Variants in DHRS4L2 observed in about 807,000 individuals in gnomAD.
The protein encoded by DHRS4L2 is dehydrogenase/reductase SDR family member 4-like 2.
Under a neutral mutation model 23.9 loss-of-function variants are expected in DHRS4L2, and 22 were observed. The ratio of observed to expected loss-of-function variants is 0.92; its 90% confidence interval spans 0.66 to 1.31. The LOEUF is 1.31. Ranked by LOEUF, DHRS4L2 falls within the 40% of genes most tolerant of loss-of-function variation. DHRS4L2 has a pLI of 0.00. For synonymous variants in DHRS4L2, 141 were observed against 123.7 expected, an observed-to-expected ratio of 1.14 and a Z score of -0.93; for missense variants, 385 against 303.3, an observed-to-expected ratio of 1.27 and a Z score of -2.00.
upstream of DHRS4L2, among the ~76,000 whole-genome samples, chr14:23,985,457 G>A (rs1282479354): frequency 6.6e-6 from 1 of 151,540 alleles, no homozygotes; most frequent in African/African-American, 2.4e-5. Flanking sequence ...AGTGATGCAT[G>A]ACTCAACAGT....
chr14:23,994,580 TG>T (rs2034339511), intron 2 of DHRS4L2, among the ~76,000 whole-genome samples: 1 of 151,196 alleles, frequency 6.6e-6, no homozygotes, highest in Non-Finnish European at 1.5e-5. Flanking sequence ...CTCAACTACT[TG>T]GGGGGCTGAG....
rs551813545 is a variant in DHRS4L2, at chr14:23,977,317, G to A, written c.-176+6985G>A. On this transcript the variant is annotated intron_variant, in intron 1 of 5. Transcript: ENST00000534993. ...CTAGCTTCTGTTTAAATACCCCAAG[G>A]GCTGGCAGTGCTGAGCCAGCATTCT... is the stretch of plus-strand genomic sequence containing the variant. Among the ~76,000 whole-genome samples the A allele has an allele frequency of 7.3e-5, 11 of 151,414 alleles. No individual in the cohort carries two copies. The South Asian group carries it at 2.3e-3, about 32-fold the overall frequency.
intron 2 of DHRS4L2, among the ~76,000 whole-genome samples, 161 bp from the exon 3 acceptor site, chr14:23,994,871 A>G (rs10139600): frequency 0.1 from 15,776 of 150,550 alleles, 1,058 homozygotes; most frequent in East Asian, 0.28. Flanking sequence ...CTTCTCTCAA[A>G]TTCCTCAGCT....
chr14:23,986,068 G>C (rs2034134485), upstream of DHRS4L2, among the ~76,000 whole-genome samples: 1 of 151,396 alleles, frequency 6.6e-6, no homozygotes. Flanking sequence ...ATCTCAGCCA[G>C]CTGGTCTCAA....
chr14:24,004,400 G>C lies in DHRS4L2; in HGVS notation c.*22+8G>C. ...AACCCTGCGGATAAGAAGGTAAACT[G>C]TCATGAGGGCAAGGGCACTAAGAGA... On this transcript the variant is annotated splice_region_variant and intron_variant, in intron 7 of 7. Transcript: ENST00000335125. 1 of 1,598,828 alleles carries C rather than the reference G, an allele frequency of 6.3e-7. No homozygotes were observed. Among genetic ancestry groups the C allele is most frequent in the East Asian group, 2.3e-5 (1 of 43,970 alleles).
At chr14:23,969,933 G>A (rs771568186) in exon 1 of DHRS4L2, 31 of 451,918 alleles carry the variant, frequency 6.9e-5, no homozygotes, top group South Asian at 4.4e-4. Context: ...GGCCCGGTGG[G>A]GGGAGGGGCG....
chr14:23,970,337 G>T lies in DHRS4L2; in HGVS notation c.-176+5G>T, dbSNP rs745788863. The T allele has an allele frequency of 1.0e-4, 45 of 430,684 alleles. 2 individuals carry two copies. Among genetic ancestry groups the T allele is most frequent in the African/African-American group, 9.5e-4 (45 of 47,548 alleles). The allele number at this position is 430,684 out of a possible 1,614,324, so 26.7% of individuals were successfully genotyped here. A position where few individuals can be genotyped will look rare whatever the true frequency, so the allele number is the denominator to read the frequency against. ...GCTGGAGCTGGAGCTTGACAGGTAG[G>T]GTGGAGAGGGCGGTGGGGGGCGGGG... On this transcript the variant is annotated splice_donor_5th_base_variant and intron_variant, in intron 1 of 5. Transcript: ENST00000534993.
chr14:23,984,915 C>G (rs1176807004), upstream of DHRS4L2, among the ~76,000 whole-genome samples: 1 of 150,670 alleles, frequency 6.6e-6, no homozygotes, highest in Admixed American at 6.6e-5. Context: ...AAGAAGGGGT[C>G]AGGGGGCTCA....
At chr14:23,972,714 C>T (rs182701487) in intron 1 of DHRS4L2, among the ~76,000 whole-genome samples, 29 of 151,644 alleles carry the variant, frequency 1.9e-4, no homozygotes, top group Non-Finnish European at 3.2e-4. Context: ...TACCAAGGAC[C>T]TGCACCGGCA....
intron 5 of DHRS4L2, 40 bp from the exon 6 acceptor site, chr14:24,001,344 C>T (rs202147770): frequency 1.3e-6 from 2 of 1,591,382 alleles, no homozygotes; most frequent in East Asian, 2.3e-5. Context: ...CAAGAATGAC[C>T]TGGAAACTAT....
upstream of DHRS4L2, among the ~76,000 whole-genome samples, chr14:23,983,969 C>A (rs530295208): frequency 6.6e-6 from 1 of 151,090 alleles, no homozygotes; most frequent in Admixed American, 6.6e-5. Context: ...CACCATGGCA[C>A]GTTTATACCT....
chr14:23,994,477 C>G (rs1241465048), intron 2 of DHRS4L2, among the ~76,000 whole-genome samples: 1 of 151,660 alleles, frequency 6.6e-6, no homozygotes, highest in African/African-American at 2.4e-5. Context: ...GGCTTGAGCC[C>G]AGGAGTTCCA....
chr14:23,988,924 A>T (rs1274207714), upstream of DHRS4L2: 4 of 1,610,408 alleles, frequency 2.5e-6, no homozygotes, highest in African/African-American at 5.3e-5. Flanking sequence ...GAAGGAGTGG[A>T]ACCCAGACTT....
chr14:23,970,225 G>T (rs751917201), exon 1 of DHRS4L2: 30 of 453,932 alleles, frequency 6.6e-5, no homozygotes, highest in Non-Finnish European at 8.4e-5. Context: ...CCGGCCCGGT[G>T]CCTCACACCC....
At chr14:23,995,478 C>T (rs754092083) in intron 3 of DHRS4L2, among the ~76,000 whole-genome samples, 1 of 151,768 alleles carries the variant, frequency 6.6e-6, no homozygotes, top group Non-Finnish European at 1.5e-5. Flanking sequence ...ATTTACACAC[C>T]CACCTGTCCT....
chr14:24,005,632 C>T lies in DHRS4L2; in HGVS notation c.*23-254C>T, dbSNP rs567045841. Among the ~76,000 whole-genome samples, 319 of 152,080 alleles carry T rather than the reference C, an allele frequency of 2.1e-3. 1 individual carries two copies. Among genetic ancestry groups the T allele is most frequent in the Non-Finnish European group, 3.7e-3 (252 of 68,006 alleles). On this transcript the variant is annotated intron_variant, in intron 7 of 7. Transcript: ENST00000335125. ...TAACTTTGGATTTTGGTGTCCTGAG[C>T]TCTCTAAAAACCGGTGTGTTTCTAT...
At position 24,000,882 on chromosome 14, in the gene DHRS4L2, A is replaced by C; in HGVS notation, c.428A>C (p.Lys143Thr). ...CTTCAGACTCTGGACATTAATGTGAAGGCCCCAGCCCTGATGACAAAGGCA... is the reference window on the plus strand; with the variant it reads ...CTTCAGACTCTGGACATTAATGTGACGGCCCCAGCCCTGATGACAAAGGCA... ...VWDKTLDINVKAPALMTKAVV... is the reference protein window; with the variant it reads ...VWDKTLDINVTAPALMTKAVV... Residue 143 changes from lysine (K) to threonine (T), a missense_variant, in exon 4 of 8, where the codon AAG (lysine) becomes ACG (threonine). Transcript: ENST00000335125. The C allele has an allele frequency of 3.1e-6, 5 of 1,610,434 alleles. No individual in the cohort carries two copies. Among genetic ancestry groups the C allele is most frequent in the Non-Finnish European group, 4.2e-6 (5 of 1,178,684 alleles).
At chr14:23,993,613 A>C (rs1302949233) in intron 2 of DHRS4L2, among the ~76,000 whole-genome samples, 2 of 151,604 alleles carry the variant, frequency 1.3e-5, no homozygotes, top group African/African-American at 2.4e-5. Context: ...CTGCTTGGCC[A>C]TTCATTACTC....
At chr14:23,970,446 G>A (rs915727062) in intron 1 of DHRS4L2, 10 of 354,160 alleles carry the variant, frequency 2.8e-5, no homozygotes, top group Admixed American at 2.3e-4. Flanking sequence ...TATGATCACA[G>A]TGTAAACAAA....
Sources: gnomAD v4.1 joint callset for allele counts (sites outside exome capture counted in the v4.1 genomes callset) on GRCh38, gnomAD v4.1.1 for gene constraint, MANE v1.5 for transcripts, NCBI Gene and HGNC (gene_info 2026-07-23, HGNC 2026-07-21) for gene names.